The following ELF2 variants were observed in gnomAD, a reference collection of about 807,000 sequenced individuals.
ELF2 encodes E74 like ETS transcription factor 2.
Under a neutral mutation model 54.8 loss-of-function variants are expected in ELF2, and 11 were observed. That is an observed-to-expected ratio of 0.20 (90% CI 0.13 to 0.33). The LOEUF is 0.33. ELF2 is among the 10% of genes least tolerant of loss of function. The pLI, the probability that ELF2 is intolerant of heterozygous loss-of-function variation, is 1.00. For synonymous variants in ELF2, 203 were observed against 245.1 expected (o/e 0.83, Z 1.61); for missense variants, 513 against 703.0 (o/e 0.73, Z 3.06).
At chr4:139,109,855 A>G (rs1734782915) in intron 4 of ELF2, among the ~76,000 whole-genome samples, 1 of 152,168 alleles carries the variant, frequency 6.6e-6, no homozygotes, top group Non-Finnish European at 1.5e-5. Context: ...GAAAGGAGCA[A>G]GGATATTTTT....
In ELF2 at chr4:139,060,443, T is replaced by C; in HGVS notation, c.1038A>G (p.Ile346Met). Residue 346 changes from isoleucine (I) to methionine (M), a missense_variant, in exon 9 of 10, where the codon ATA (isoleucine) becomes ATG (methionine). By Grantham distance (10) the Ile-to-Met change is conservative. This residue lies in a region of ELF2 where 291 missense variants were observed against 366.1 expected (regional missense o/e 0.79). Transcript: ENST00000686138. The part of the protein sequence containing the change: ...SVRSGKNSSP[I>M]NCSRAEKGVA... ...CACCCTTCTCTGCTCTGGAGCAGTT[T>C]ATAGGGGATGAATTTTTTCCACTGC... is the stretch of plus-strand genomic sequence containing the variant. 1 of 1,614,214 alleles carries C rather than the reference T, an allele frequency of 6.2e-7. No individual in the cohort carries two copies. The highest frequency in any genetic ancestry group is 8.5e-7 in the Non-Finnish European group (1 of 1,180,042).
chr4:139,081,270 C>A (rs1162733358), intron 4 of ELF2, among the ~76,000 whole-genome samples: 4 of 152,070 alleles, frequency 2.6e-5, no homozygotes, highest in African/African-American at 9.7e-5. Context: ...TACTCAAACT[C>A]CTCTGGCAGC....
intron 1 of ELF2, among the ~76,000 whole-genome samples, chr4:139,169,890 T>C (rs1156725421): frequency 6.6e-6 from 1 of 151,582 alleles, no homozygotes; most frequent in African/African-American, 2.4e-5. Context: ...ATGTCTTCCT[T>C]TACCTCCCTG....
At chr4:139,063,819 G>C (rs1196177493) in intron 7 of ELF2, among the ~76,000 whole-genome samples, 1 of 151,830 alleles carries the variant, frequency 6.6e-6, no homozygotes, top group Non-Finnish European at 1.5e-5. Context: ...AGATGGCTAG[G>C]ATGTGCATAA....
intron 4 of ELF2, among the ~76,000 whole-genome samples, chr4:139,074,739 G>A (rs866968286): frequency 1.4e-5 from 2 of 147,442 alleles, no homozygotes; most frequent in Non-Finnish European, 3.0e-5. Flanking sequence ...CAGCCTGGGC[G>A]ACAGAGTGAG....
intron 1 of ELF2, among the ~76,000 whole-genome samples, chr4:139,159,868 A>AG (rs1740927566): frequency 6.6e-6 from 1 of 152,210 alleles, no homozygotes; most frequent in Non-Finnish European, 1.5e-5. Flanking sequence ...TTCTGCCCAT[A>AG]TAACAGCATG....
Position 139,061,817 on chromosome 4 carries a change from A to C in ELF2, c.806+48T>G, listed in dbSNP as rs779043232. On this transcript the variant is annotated intron_variant, in intron 8 of 9. Coordinates refer to ENST00000686138, the MANE Select transcript of ELF2 (RefSeq NM_001331036.3). ...TCTTTAAACAGCTAATAGACATATA[A>C]AGAAATACATAAATTTTGTTTGAAT... 9 of 1,597,954 alleles carry C rather than the reference A, an allele frequency of 5.6e-6. No individual in the cohort carries two copies. In the South Asian group the frequency reaches 5.6e-5, roughly 10 times the overall value.
At chr4:139,115,462 CGCG>C (rs1735597375) in intron 4 of ELF2, 2 of 946,310 alleles carry the variant, frequency 2.1e-6, no homozygotes, top group South Asian at 9.7e-5. Flanking sequence ...GTTAGCTCGC[CGCG>C]GCGAGGGCAG....
chr4:139,152,502 T>G (rs929533979), intron 1 of ELF2, among the ~76,000 whole-genome samples: 1 of 152,116 alleles, frequency 6.6e-6, no homozygotes, highest in Non-Finnish European at 1.5e-5. Context: ...CAGCTAATTT[T>G]TTTTATTCTA....
intron 3 of ELF2, among the ~76,000 whole-genome samples, chr4:139,135,406 T>C (rs755654595): frequency 2.0e-5 from 3 of 152,050 alleles, no homozygotes; most frequent in Non-Finnish European, 2.9e-5. Context: ...CTTTTCTCTC[T>C]TCCTGCAATT....
intron 1 of ELF2, 58 bp from the exon 2 acceptor site, chr4:139,139,555 G>A: frequency 1.1e-6 from 1 of 945,464 alleles, no homozygotes; most frequent in Non-Finnish European, 1.4e-6. Flanking sequence ...AAAGCACTAT[G>A]CTCAAACAGA....
At position 139,139,484 on chromosome 4, in the gene ELF2, G is replaced by A. The variant is rs1738496071; in HGVS notation, c.-238C>T. The stretch of plus-strand genomic sequence containing the variant: ...TTGGGAAGAGCTAAAATCTGAACCA[G>A]TAGTTCTTTGGAACTGCCAGCGGGA... On this transcript the variant is annotated 5_prime_UTR_variant, in exon 2 of 10. Coordinates refer to ENST00000686138, the MANE Select transcript of ELF2 (RefSeq NM_001331036.3). The A allele has an allele frequency of 3.3e-6, 4 of 1,228,990 alleles. No individual in the cohort carries two copies. Among genetic ancestry groups the A allele is most frequent in the Non-Finnish European group, 3.0e-6 (3 of 986,544 alleles). The allele number at this position is 1,228,990 out of a possible 1,614,324, so 76.1% of individuals were successfully genotyped here.
intron 1 of ELF2, among the ~76,000 whole-genome samples, chr4:139,147,044 A>T (rs1238153006): frequency 2.6e-5 from 4 of 152,218 alleles, no homozygotes; most frequent in Non-Finnish European, 4.4e-5. Context: ...AATTAAACTA[A>T]AAGGCTTCTG....
At chr4:139,107,798 C>T (rs1734564785) in intron 4 of ELF2, among the ~76,000 whole-genome samples, 1 of 152,146 alleles carries the variant, frequency 6.6e-6, no homozygotes, top group Non-Finnish European at 1.5e-5. Flanking sequence ...AACATAACAA[C>T]TCTCACAAGT....
Position 139,061,993 on chromosome 4 carries a change from C to T in ELF2, c.678G>A (p.Arg226=), listed in dbSNP as rs1727924995. ...DLLQDKNTCP[R]YIKWTQREKG... The stretch of plus-strand genomic sequence containing the variant: ...TTTCTCTCTGAGTCCATTTAATATA[C>T]CTGGGACAAGTATTTTTATCTTGAA... Residue 226 remains arginine (R), a synonymous_variant, in exon 8 of 10, where the codon AGG becomes AGA. Transcript: ENST00000686138. 1.2e-6 allele frequency: 2 copies of T among 1,613,796 alleles called. No homozygotes were observed. Among genetic ancestry groups the T allele is most frequent in the Non-Finnish European group, 1.7e-6 (2 of 1,179,950 alleles).
intron 1 of ELF2, among the ~76,000 whole-genome samples, chr4:139,148,649 T>C (rs1739522223): frequency 6.6e-6 from 1 of 152,002 alleles, no homozygotes; most frequent in Non-Finnish European, 1.5e-5. Flanking sequence ...ATTTGAGATG[T>C]TTCTACTTTT....
intron 3 of ELF2, among the ~76,000 whole-genome samples, chr4:139,132,440 C>T (rs1737588058): frequency 6.6e-6 from 1 of 152,178 alleles, no homozygotes; most frequent in Non-Finnish European, 1.5e-5. Context: ...ATCCCCACCA[C>T]ATGTGCATGC....
At chr4:139,158,976 T>C (rs1740821730) in intron 1 of ELF2, among the ~76,000 whole-genome samples, 1 of 152,136 alleles carries the variant, frequency 6.6e-6, no homozygotes, top group Non-Finnish European at 1.5e-5. Context: ...CCTGAGAAAC[T>C]GCTTGGGTGA....
chr4:139,082,084 T>C (rs928439839), intron 4 of ELF2, among the ~76,000 whole-genome samples: 3 of 152,178 alleles, frequency 2.0e-5, no homozygotes, highest in Non-Finnish European at 1.5e-5. Context: ...ACAGGCCATA[T>C]TCAGTTTCAC....
Sources: gnomAD v4.1 joint callset for allele counts (sites outside exome capture counted in the v4.1 genomes callset) on GRCh38, gnomAD v4.1.1 for gene constraint, gnomAD v4.1.1 regional missense constraint, MANE v1.5 for transcripts, NCBI Gene and HGNC (gene_info 2026-07-23, HGNC 2026-07-21) for gene names.